Variants in PRDM2 observed in about 807,000 individuals in gnomAD.
PRDM2 encodes PR domain zinc finger protein 2.
A neutral mutation model predicts 130.0 loss-of-function variants in PRDM2; 30 were observed. The ratio of observed to expected loss-of-function variants is 0.23; its 90% confidence interval spans 0.17 to 0.31. The LOEUF (loss-of-function observed/expected upper bound fraction) is 0.31. Ranked by LOEUF, PRDM2 falls within the 10% of genes least tolerant of loss-of-function variation. The pLI is 1.00. For missense variants in PRDM2, 2,011 were observed against 2,108.4 expected, an observed-to-expected ratio of 0.95 and a Z score of 0.90; for synonymous variants, 871 against 782.4, an observed-to-expected ratio of 1.11 and a Z score of -1.89.
At chr1:13,783,231 T>C in intron 8 of PRDM2, 1 of 498,236 alleles carries the variant, frequency 2.0e-6, no homozygotes, top group Non-Finnish European at 4.0e-6. Context: ...CTAAGTTCAT[T>C]AGTAAACCAT....
intron 1 of PRDM2, among the ~76,000 whole-genome samples, chr1:13,711,516 C>A (rs1642371103): frequency 6.6e-6 from 1 of 152,164 alleles, no homozygotes; most frequent in Non-Finnish European, 1.5e-5. Flanking sequence ...TTGCTCAAAG[C>A]AATGTTAAGT....
chr1:13,721,378 C>T (rs1232610704), intron 2 of PRDM2, among the ~76,000 whole-genome samples: 1 of 151,666 alleles, frequency 6.6e-6, no homozygotes, highest in Non-Finnish European at 1.5e-5. Context: ...AAACCACTTT[C>T]ACTGTTTTAT....
At chr1:13,811,376 C>T (rs1016365070) in intron 8 of PRDM2, among the ~76,000 whole-genome samples, 2 of 152,188 alleles carry the variant, frequency 1.3e-5, no homozygotes, top group African/African-American at 4.8e-5. Flanking sequence ...TCCTGTGACA[C>T]TGTGCTCGCC....
chr1:13,734,802 A>G (rs1189873552), intron 4 of PRDM2, among the ~76,000 whole-genome samples: 1 of 152,246 alleles, frequency 6.6e-6, no homozygotes, highest in Non-Finnish European at 1.5e-5. Context: ...TACATCTGAT[A>G]TAGAAACCTG....
At chr1:13,792,400 A>C (rs1034513797) in intron 8 of PRDM2, among the ~76,000 whole-genome samples, 12 of 152,222 alleles carry the variant, frequency 7.9e-5, no homozygotes, top group African/African-American at 2.7e-4. Context: ...GTAGCATTTA[A>C]TCATTGGCCC....
intron 9 of PRDM2, among the ~76,000 whole-genome samples, chr1:13,821,548 T>C (rs1012899045): frequency 1.3e-5 from 2 of 151,996 alleles, no homozygotes; most frequent in African/African-American, 2.4e-5. Context: ...CTGCAACCTC[T>C]GTCTCCCAGG....
intron 8 of PRDM2, among the ~76,000 whole-genome samples, chr1:13,811,173 G>A (rs1425743203): frequency 6.6e-6 from 1 of 152,032 alleles, no homozygotes; most frequent in Non-Finnish European, 1.5e-5. Context: ...GACAGAGTGA[G>A]ACTCTGTCTC....
rs184875245 is a variant in PRDM2, at chr1:13,721,048, C to T, written c.9+5434C>T. On this transcript the variant is annotated intron_variant, in intron 2 of 9. Transcript: ENST00000311066. Reference sequence around the variant, plus strand: ...TTCCCTGCCCAAGGTCACTACTGATCGGCTTTCTGTTCCTACACATTGGTT... The same window carrying T: ...TTCCCTGCCCAAGGTCACTACTGATTGGCTTTCTGTTCCTACACATTGGTT... Among the ~76,000 whole-genome samples the T allele has an allele frequency of 2.4e-3, 362 of 152,306 alleles. 2 individuals carry two copies. Among genetic ancestry groups the T allele is most frequent in the Non-Finnish European group, 2.6e-3 (178 of 68,016 alleles).
intron 2 of PRDM2, among the ~76,000 whole-genome samples, chr1:13,728,597 G>A (rs1418678808): frequency 1.3e-5 from 2 of 152,124 alleles, no homozygotes; most frequent in Non-Finnish European, 2.9e-5. Flanking sequence ...TTTTTGTAAT[G>A]TGAAGGATAC....
intron 6 of PRDM2, among the ~76,000 whole-genome samples, chr1:13,760,237 G>A (rs1188101906): frequency 6.6e-6 from 1 of 152,092 alleles, no homozygotes; most frequent in Non-Finnish European, 1.5e-5. Context: ...AATCTCATGG[G>A]TGATTGTCAG....
At chr1:13,766,409 G>A (rs1919405) in intron 6 of PRDM2, among the ~76,000 whole-genome samples, 2,555 of 152,308 alleles carry the variant, frequency 0.017, 39 homozygotes, top group South Asian at 0.083. Flanking sequence ...GAAACTTGGG[G>A]CAAATAAAGC....
chr1:13,791,743 A>G (rs546691678), intron 8 of PRDM2, among the ~76,000 whole-genome samples: 2 of 152,326 alleles, frequency 1.3e-5, no homozygotes, highest in East Asian at 3.9e-4. Context: ...AGTTGCAAAA[A>G]TTGCATTTAA....
intron 8 of PRDM2, among the ~76,000 whole-genome samples, chr1:13,813,270 T>C (rs1343604759): frequency 6.6e-6 from 1 of 152,178 alleles, no homozygotes; most frequent in Non-Finnish European, 1.5e-5. Context: ...CCAAGAATCA[T>C]GAGGCTCTGC....
intron 8 of PRDM2, among the ~76,000 whole-genome samples, chr1:13,799,433 G>A (rs557778737): frequency 3.1e-4 from 43 of 140,288 alleles, no homozygotes; most frequent in Non-Finnish European, 4.9e-4. Context: ...CAACAAGAGC[G>A]AAACTCCATC....
chr1:13,745,763 C>T (rs527821554), intron 5 of PRDM2, among the ~76,000 whole-genome samples: 3 of 152,072 alleles, frequency 2.0e-5, no homozygotes, highest in Admixed American at 6.5e-5. Context: ...AACAAAAGCC[C>T]ATGTGGCTGT....
intron 6 of PRDM2, among the ~76,000 whole-genome samples, chr1:13,765,153 C>T (rs1312806386): frequency 6.6e-6 from 1 of 152,222 alleles, no homozygotes; most frequent in Non-Finnish European, 1.5e-5. Flanking sequence ...TTTCTGAAAG[C>T]ATTTCTGGTT....
rs373381095 is a variant in PRDM2, at chr1:13,783,843, T to A, written c.5036+1012T>A. On this transcript the variant is annotated intron_variant, in intron 8 of 9. Transcript: ENST00000311066. ...CACAGGATGCCACCTGACTCTAGGCTTTCATGCTATAGCTTTTGGTGTCTG... is the reference window on the plus strand; with the variant it reads ...CACAGGATGCCACCTGACTCTAGGCATTCATGCTATAGCTTTTGGTGTCTG... Among the ~76,000 whole-genome samples the A allele has an allele frequency of 6.6e-5, 10 of 152,306 alleles. No homozygotes were observed. In the East Asian group the frequency reaches 1.9e-3, roughly 29 times the overall value.
chr1:13,785,784 C>T (rs1044467755), intron 8 of PRDM2, among the ~76,000 whole-genome samples: 2 of 149,322 alleles, frequency 1.3e-5, no homozygotes, highest in African/African-American at 5.0e-5. Flanking sequence ...ATTCTCTACT[C>T]ACCTCCTACT....
intron 2 of PRDM2, among the ~76,000 whole-genome samples, chr1:13,719,189 T>C (rs1235397196): frequency 1.3e-5 from 2 of 152,198 alleles, no homozygotes; most frequent in Admixed American, 1.3e-4. Context: ...AGAAGGCTAC[T>C]CTGTGGAGGT....
Sources: allele counts gnomAD v4.1 joint callset (sites outside exome capture counted in the v4.1 genomes callset), GRCh38; gene constraint gnomAD v4.1.1; transcripts MANE v1.5; gene names NCBI Gene and HGNC (gene_info 2026-07-23, HGNC 2026-07-21).